Variants in ROBO2 observed in about 807,000 individuals in gnomAD.
The protein encoded by ROBO2 is roundabout guidance receptor 2, also known as roundabout homolog 2.
ROBO2 carries 53 observed loss-of-function variants against 160.8 expected under a neutral mutation model. The observed-to-expected ratio is 0.33, with a 90% CI of 0.26 to 0.41. ROBO2 has a LOEUF of 0.41. Among genes scored for constraint, ROBO2 ranks in the 10% least tolerant of loss-of-function variants. The pLI, the probability that ROBO2 is intolerant of heterozygous loss-of-function variation, is 1.00. For synonymous variants in ROBO2, 664 were observed against 611.7 expected, an observed-to-expected ratio of 1.09 and a Z score of -1.26; for missense variants, 1,577 against 1,722.4, an observed-to-expected ratio of 0.92 and a Z score of 1.49.
At chr3:77,441,473 C>A (rs535011605) in intron 2 of ROBO2, among the ~76,000 whole-genome samples, 1 of 151,846 alleles carries the variant, frequency 6.6e-6, no homozygotes, top group Non-Finnish European at 1.5e-5. Context: ...AAAAACCCAA[C>A]GCTTTAACTT....
chr3:76,527,079 T>C (rs2081985836), intron 2 of ROBO2, among the ~76,000 whole-genome samples: 1 of 152,110 alleles, frequency 6.6e-6, no homozygotes, highest in Non-Finnish European at 1.5e-5. Context: ...AATTTTATTT[T>C]TCTACTTCAT....
At position 76,649,409 on chromosome 3, in the gene ROBO2, A is replaced by T. The variant is rs2091147615; in HGVS notation, c.110-448605A>T. Among the ~76,000 whole-genome samples, 3 of 152,200 alleles carry T rather than the reference A, an allele frequency of 2.0e-5. No individual in the cohort carries two copies. The South Asian group carries it at 6.2e-4, about 32-fold the overall frequency. On this transcript the variant is annotated intron_variant, in intron 2 of 26. Transcript: ENST00000487694. ...TTATGCTATGGAAGAATACAGCTCC[A>T]GACATAACACAAGAGAATGTGTTGA...
At chr3:76,903,172 A>G (rs1260226678) in intron 2 of ROBO2, among the ~76,000 whole-genome samples, 1 of 152,138 alleles carries the variant, frequency 6.6e-6, no homozygotes, top group Non-Finnish European at 1.5e-5. Context: ...TTCTCAAAAT[A>G]AACCCTAAGT....
At chr3:76,717,960 C>G (rs2093408639) in intron 2 of ROBO2, among the ~76,000 whole-genome samples, 1 of 152,094 alleles carries the variant, frequency 6.6e-6, no homozygotes, top group Non-Finnish European at 1.5e-5. Flanking sequence ...TTCTGACCAC[C>G]AAGGCTTAAA....
intron 2 of ROBO2, among the ~76,000 whole-genome samples, chr3:76,499,971 T>C (rs2107627840): frequency 6.6e-6 from 1 of 152,280 alleles, no homozygotes; most frequent in African/African-American, 2.4e-5. Flanking sequence ...TGGCCAACTT[T>C]ATTTACATAA....
intron 5 of ROBO2, among the ~76,000 whole-genome samples, chr3:77,507,789 GTTC>G: frequency 1.3e-5 from 2 of 152,070 alleles, no homozygotes; most frequent in East Asian, 3.9e-4. Context: ...CTTCTTAGTT[GTTC>G]TTCTTAGTTG....
In ROBO2 at chr3:77,368,130, A is replaced by G. The variant is rs576959089; in HGVS notation, c.389-109284A>G. ...GTCTATTAAACAGATTCTGGTCATA[A>G]GTTTTTCAAGGGCTTAATTTATAAT... On this transcript the variant is annotated intron_variant, in intron 2 of 25. Transcript: ENST00000461745. 9.9e-5 allele frequency among the ~76,000 whole-genome samples: 15 copies of G among 152,254 alleles called. 1 individual carries two copies. The highest frequency in any genetic ancestry group is 3.4e-4 in the African/African-American group (14 of 41,568).
At chr3:77,275,519 T>G (rs886310119) in intron 2 of ROBO2, among the ~76,000 whole-genome samples, 2 of 152,182 alleles carry the variant, frequency 1.3e-5, no homozygotes, top group African/African-American at 4.8e-5. Context: ...CCTCTTTAAT[T>G]TATCCTTTTA....
intron 2 of ROBO2, among the ~76,000 whole-genome samples, chr3:77,292,748 C>T (rs943815209): frequency 1.9e-4 from 18 of 95,576 alleles, no homozygotes; most frequent in African/African-American, 5.0e-4. Context: ...GAAGTTGAGG[C>T]TAGAGCACTA....
intron 2 of ROBO2, among the ~76,000 whole-genome samples, chr3:75,975,214 T>C (rs1453032671): frequency 1.3e-5 from 2 of 151,436 alleles, no homozygotes; most frequent in African/African-American, 4.8e-5. Flanking sequence ...TATTGGCAAA[T>C]TGGGTAAATA....
At chr3:76,819,826 C>G (rs1047241640) in intron 2 of ROBO2, among the ~76,000 whole-genome samples, 1 of 152,094 alleles carries the variant, frequency 6.6e-6, no homozygotes, top group African/African-American at 2.4e-5. Context: ...AGAGCAAGAT[C>G]AAATGCTCTG....
At chr3:77,261,877 C>T (rs918302653) in intron 2 of ROBO2, among the ~76,000 whole-genome samples, 2 of 151,412 alleles carry the variant, frequency 1.3e-5, no homozygotes, top group African/African-American at 4.9e-5. Context: ...AAGCAATCTT[C>T]CCACCTTGGC....
chr3:76,314,805 T>C (rs571643006), intron 2 of ROBO2, among the ~76,000 whole-genome samples: 1 of 152,142 alleles, frequency 6.6e-6, no homozygotes, highest in Admixed American at 6.5e-5. Flanking sequence ...CAGTCAACAG[T>C]GGGTTATTAG....
rs183987040 is a variant in ROBO2, at chr3:77,064,356, A to T, written c.61+23510A>T. Among the ~76,000 whole-genome samples, 569 of 120,082 alleles carry T rather than the reference A, an allele frequency of 4.7e-3. 3 individuals are homozygous for T. Among genetic ancestry groups the T allele is most frequent in the African/African-American group, 0.016 (527 of 32,696 alleles). The allele number at this position is 120,082 out of a possible 152,430, so 78.8% of individuals were successfully genotyped here. On this transcript the variant is annotated intron_variant, in intron 1 of 25. Coordinates refer to ENST00000461745, the Ensembl canonical transcript of ROBO2. ...ATATTTAAATAAAATTAATACTTGGATGTATCTTTTTTTTTTTTTTTTGAG... is the reference window on the plus strand; with the variant it reads ...ATATTTAAATAAAATTAATACTTGGTTGTATCTTTTTTTTTTTTTTTTGAG...
chr3:76,306,712 G>A (rs1000781789), intron 2 of ROBO2, among the ~76,000 whole-genome samples: 7 of 152,098 alleles, frequency 4.6e-5, no homozygotes, highest in Non-Finnish European at 7.4e-5. Context: ...CAGGGACTTT[G>A]TCTGATTATT....
intron 2 of ROBO2, chr3:76,434,523 A>G (rs1383685955): frequency 2.5e-6 from 4 of 1,569,948 alleles, no homozygotes; most frequent in Non-Finnish European, 3.5e-6. Flanking sequence ...AAAGATGTGG[A>G]TAAGAAGCAT....
intron 2 of ROBO2, among the ~76,000 whole-genome samples, chr3:76,257,338 CTT>C (rs1292118093): frequency 2.0e-5 from 3 of 151,952 alleles, no homozygotes; most frequent in African/African-American, 2.4e-5. Flanking sequence ...TTAGAAATAA[CTT>C]ATATGTATTC....
chr3:77,474,748 T>G (rs1269661180), intron 2 of ROBO2, among the ~76,000 whole-genome samples: 1 of 152,022 alleles, frequency 6.6e-6, no homozygotes, highest in Admixed American at 6.6e-5. Flanking sequence ...ACCATTTTAG[T>G]TCTCTTAATC....
intron 2 of ROBO2, among the ~76,000 whole-genome samples, chr3:76,956,365 G>C (rs4416419): frequency 0.67 from 101,419 of 151,306 alleles, 34,143 homozygotes; most frequent in African/African-American, 0.72. Context: ...AGACCATCCT[G>C]GCTAACACGG....
Sources: gnomAD v4.1 joint callset for allele counts (sites outside exome capture counted in the v4.1 genomes callset) on GRCh38, gnomAD v4.1.1 for gene constraint, MANE v1.5 for transcripts, NCBI Gene and HGNC (gene_info 2026-07-23, HGNC 2026-07-21) for gene names.